PITPNC1: variants seen among roughly 807,000 people sequenced by gnomAD.
The protein encoded by PITPNC1 is phosphatidylinositol transfer protein cytoplasmic 1.
Under a neutral mutation model 44.7 loss-of-function variants are expected in PITPNC1, and 18 were observed. The observed-to-expected ratio is 0.40, with a 90% CI of 0.28 to 0.60. The LOEUF (loss-of-function observed/expected upper bound fraction) is 0.60, where lower values mean the gene tolerates loss of function less well. PITPNC1 is among the 20% of genes least tolerant of loss of function. The pLI, the probability that PITPNC1 is intolerant of heterozygous loss-of-function variation, is 0.39. For synonymous variants in PITPNC1, 141 were observed against 149.6 expected, an observed-to-expected ratio of 0.94 and a Z score of 0.42; for missense variants, 290 against 418.4, an observed-to-expected ratio of 0.69 and a Z score of 2.68.
At chr17:67,663,487 G>A (rs1480369652) in intron 6 of PITPNC1, among the ~76,000 whole-genome samples, 3 of 151,874 alleles carry the variant, frequency 2.0e-5, no homozygotes, top group Non-Finnish European at 4.4e-5. Context: ...GGAGAATGGC[G>A]GGAACCTGGG....
At chr17:67,439,989 T>G (rs2038990177) in intron 1 of PITPNC1, among the ~76,000 whole-genome samples, 1 of 152,084 alleles carries the variant, frequency 6.6e-6, no homozygotes, top group Non-Finnish European at 1.5e-5. Context: ...GTAAAATGTA[T>G]GAGGTAGGCA....
chr17:67,473,532 C>T (rs529933811), intron 1 of PITPNC1, among the ~76,000 whole-genome samples: 11 of 148,944 alleles, frequency 7.4e-5, no homozygotes, highest in East Asian at 2.0e-4. Flanking sequence ...GGGGTTTCAC[C>T]GACCTCGTGA....
intron 6 of PITPNC1, among the ~76,000 whole-genome samples, chr17:67,655,826 C>T (rs1162046846): frequency 6.6e-6 from 1 of 151,474 alleles, no homozygotes; most frequent in African/African-American, 2.4e-5. Flanking sequence ...GCCTGTAATC[C>T]CAGCTAGGTG....
intron 1 of PITPNC1, among the ~76,000 whole-genome samples, chr17:67,459,365 G>A (rs1475729570): frequency 2.0e-5 from 3 of 151,982 alleles, no homozygotes; most frequent in African/African-American, 7.2e-5. Flanking sequence ...GATCCGCCCC[G>A]CCTAGGCCTC....
chr17:67,539,446 C>A (rs1415306280), intron 2 of PITPNC1, among the ~76,000 whole-genome samples: 1 of 152,218 alleles, frequency 6.6e-6, no homozygotes, highest in East Asian at 1.9e-4. Context: ...ATGGCACATT[C>A]ACGTAATGGA....
intron 1 of PITPNC1, among the ~76,000 whole-genome samples, chr17:67,423,094 A>G (rs4791297): frequency 0.5 from 75,931 of 151,888 alleles, 19,236 homozygotes; most frequent in African/African-American, 0.54. Context: ...AACAAAGTCC[A>G]TTGATTCTTC....
At chr17:67,412,627 T>C (rs781679755) in intron 1 of PITPNC1, among the ~76,000 whole-genome samples, 32 of 152,172 alleles carry the variant, frequency 2.1e-4, no homozygotes, top group South Asian at 4.1e-4. Flanking sequence ...AGTGCAGTGG[T>C]GTGATCTCCG....
chr17:67,663,255 G>A (rs78154680), intron 6 of PITPNC1, among the ~76,000 whole-genome samples: 1 of 152,150 alleles, frequency 6.6e-6, no homozygotes, highest in Non-Finnish European at 1.5e-5. Flanking sequence ...AGAATTCAAG[G>A]GTGAGCCGGT....
rs1437715150 is a variant in PITPNC1 at position 67,381,283 on chromosome 17, A to G, written c.48+3081A>G. Among the ~76,000 whole-genome samples, 26 of 139,358 alleles carry G rather than the reference A, an allele frequency of 1.9e-4. 1 individual carries two copies. The highest frequency in any genetic ancestry group is 1.6e-3 in the Admixed American group (21 of 13,378). The allele number at this position is 139,358 out of a possible 152,430, so 91.4% of individuals were successfully genotyped here. ...GCGGAGCTTGCAGTGAGCTGAGATC[A>G]CGCCACTGCACTCCAGCCTGGGCGA... On this transcript the variant is annotated intron_variant, in intron 1 of 8. Coordinates refer to ENST00000581322, the MANE Select transcript of PITPNC1 (RefSeq NM_012417.4).
At chr17:67,613,822 C>CG (rs565679343) in intron 5 of PITPNC1, 4 of 76,728 alleles carry the variant, frequency 5.2e-5, no homozygotes, top group Non-Finnish European at 1.0e-4. Context: ...GACTCCGTCT[C>CG]AAAAAAAAAA....
intron 1 of PITPNC1, among the ~76,000 whole-genome samples, chr17:67,452,979 T>C: frequency 6.6e-6 from 1 of 152,182 alleles, no homozygotes; most frequent in East Asian, 1.9e-4. Flanking sequence ...TATCTCACTG[T>C]GGTTTTACTT....
Position 67,522,844 on chromosome 17 carries a change from G to GT in PITPNC1, c.49-9952dup, listed in dbSNP as rs547959618. ...TGCCCAGCTGAGTTTTTATTTTTTT[G>GT]TTTTTTGTAGAGACACCATCTCCCT... On this transcript the variant is annotated intron_variant, in intron 1 of 8. Coordinates refer to ENST00000581322, the MANE Select transcript of PITPNC1 (RefSeq NM_012417.4). Among the ~76,000 whole-genome samples, 21 of 151,286 alleles carry GT rather than the reference G, an allele frequency of 1.4e-4. No individual in the cohort carries two copies. The South Asian group carries it at 4.2e-3, about 30-fold the overall frequency.
chr17:67,557,795 C>T (rs1455498731), intron 4 of PITPNC1, among the ~76,000 whole-genome samples: 1 of 152,206 alleles, frequency 6.6e-6, no homozygotes, highest in Non-Finnish European at 1.5e-5. Context: ...GTCTTTTTTC[C>T]TGTTTTAAAT....
At position 67,478,953 on chromosome 17, in the gene PITPNC1, C is replaced by T. The variant is rs191246343; in HGVS notation, c.49-53849C>T. ...CCTCTCTGTTCTCCTCTGTTGCCCA[C>T]AGCAACCTCAGCAGTTGGTACCAGC... On this transcript the variant is annotated intron_variant, in intron 1 of 8. Coordinates refer to ENST00000581322, the MANE Select transcript of PITPNC1 (RefSeq NM_012417.4). Among the ~76,000 whole-genome samples, 65 of 152,028 alleles carry T rather than the reference C, an allele frequency of 4.3e-4. No homozygotes were observed. The East Asian group carries it at 0.013, about 29-fold the overall frequency.
intron 1 of PITPNC1, among the ~76,000 whole-genome samples, chr17:67,434,116 G>C (rs1336582437): frequency 6.6e-6 from 1 of 152,124 alleles, no homozygotes; most frequent in African/African-American, 2.4e-5. Flanking sequence ...AGAGAGGCTT[G>C]ATTATAGATG....
chr17:67,578,224 C>T lies in PITPNC1; in HGVS notation c.333C>T (p.Thr111=). The change falls in exon 5 of 9, where the codon ACC becomes ACT. Residue 111 remains threonine (T), a synonymous_variant. Coordinates refer to ENST00000581322, the MANE Select transcript of PITPNC1 (RefSeq NM_012417.4). ...FLPKFSIHIE[T]KYEDNKGSND... is the part of the protein sequence containing the mutation. ...CGAAATTCTCCATTCATATAGAAAC[C>T]AAGTATGAGGACAACAAAGGAAGCA... 1.9e-6 allele frequency: 3 copies of T among 1,612,948 alleles called. No individual in the cohort carries two copies. Among genetic ancestry groups the T allele is most frequent in the Non-Finnish European group, 2.5e-6 (3 of 1,179,164 alleles).
intron 1 of PITPNC1, among the ~76,000 whole-genome samples, chr17:67,495,052 G>GTTTTT (rs1243868487): frequency 7.3e-3 from 280 of 38,468 alleles, no homozygotes; most frequent in African/African-American, 0.014. Flanking sequence ...TTTTTTTTTT[G>GTTTTT]TTTTTTTTTT....
chr17:67,588,124 C>T (rs1011381126), intron 5 of PITPNC1, among the ~76,000 whole-genome samples: 2 of 152,284 alleles, frequency 1.3e-5, no homozygotes, highest in East Asian at 1.9e-4. Flanking sequence ...TTGCCTCAGC[C>T]TCCAGAGTAG....
intron 7 of PITPNC1, 140 bp downstream of exon 7, chr17:67,669,803 G>A: frequency 1.6e-6 from 1 of 614,130 alleles, no homozygotes; most frequent in Non-Finnish European, 2.8e-6. Context: ...CGGTTGGGGT[G>A]GCCAACACCT....
Sources: gnomAD v4.1 joint callset for allele counts (sites outside exome capture counted in the v4.1 genomes callset) on GRCh38, gnomAD v4.1.1 for gene constraint, MANE v1.5 for transcripts, NCBI Gene and HGNC (gene_info 2026-07-23, HGNC 2026-07-21) for gene names.